Variants in CCDC183 observed in about 807,000 individuals in gnomAD.
CCDC183 encodes coiled-coil domain containing 183.
CCDC183 carries 63 observed loss-of-function variants against 65.2 expected under a neutral mutation model. The ratio of observed to expected loss-of-function variants is 0.97; its 90% confidence interval spans 0.79 to 1.19. The LOEUF is 1.19. Ranked by LOEUF, CCDC183 falls within the 50% of genes most tolerant of loss-of-function variation. The pLI is 0.00. For missense variants in CCDC183, 769 were observed against 689.3 expected, an observed-to-expected ratio of 1.12 and a Z score of -1.30; for synonymous variants, 323 against 276.5, an observed-to-expected ratio of 1.17 and a Z score of -1.67.
intron 13 of CCDC183, 150 bp from the exon 14 acceptor site, chr9:136,807,422 T>C: frequency 1.0e-6 from 1 of 1,003,356 alleles, no homozygotes; most frequent in South Asian, 1.7e-5. Context: ...CCGCTGCGAA[T>C]GGGCTGGGCT....
chr9:136,796,422 G>A lies in CCDC183; in HGVS notation c.25G>A (p.Val9Met), dbSNP rs1847650256. The A allele has an allele frequency of 6.3e-7, 1 of 1,585,056 alleles. No individual in the cohort carries two copies. Among genetic ancestry groups the A allele is most frequent in the Non-Finnish European group, 8.6e-7 (1 of 1,165,824 alleles). Residue 9 changes from valine to methionine, a missense_variant, in exon 1 of 14, where the codon GTG becomes ATG. Physicochemically the swap from Val to Met is conservative, Grantham distance 21 (BLOSUM62 1). Coordinates refer to ENST00000338005, the MANE Select transcript of CCDC183 (RefSeq NM_001039374.5). MRRHSETD[V>M]EEQTQELKTI... Reference sequence around the variant, plus strand: ...CATGAGGAGGCACAGTGAGACAGATGTGGAAGAGCAGACCCAGGAGCTGAA... The same window carrying A: ...CATGAGGAGGCACAGTGAGACAGATATGGAAGAGCAGACCCAGGAGCTGAA...
intron 10 of CCDC183, 100 bp from the exon 11 acceptor site, chr9:136,806,404 A>C: frequency 6.6e-7 from 1 of 1,512,914 alleles, no homozygotes; most frequent in Non-Finnish European, 9.0e-7. Flanking sequence ...TGAGTCCCTG[A>C]TTCTGGCACA....
In CCDC183 at chr9:136,807,172, G is replaced by A; in HGVS notation, c.1486+106G>A. The A allele has an allele frequency of 4.1e-6, 4 of 970,328 alleles. No individual in the cohort carries two copies. In the South Asian group the frequency reaches 5.5e-5, roughly 13 times the overall value. The allele number at this position is 970,328 out of a possible 1,614,324, so 60.1% of individuals were successfully genotyped here. On this transcript the variant is annotated intron_variant, in intron 13 of 13. Transcript: ENST00000338005. ...CGGGACATCCTGGAGGGACAGCGGG[G>A]CTACAGGGTGCATCAGTTGTACCTG...
At position 136,806,245 on chromosome 9, in the gene CCDC183, C is replaced by T. The variant is rs765035187; in HGVS notation, c.1109+7C>T. ...AGAAGCCTAGCTCCATCAGGTGCCC[C>T]GGGCTTCCGGGGCTGCGGGCCACCC... On this transcript the variant is annotated splice_region_variant and intron_variant, in intron 10 of 13. Transcript: ENST00000338005. The T allele has an allele frequency of 1.3e-5, 21 of 1,585,962 alleles. No homozygotes were observed. The highest frequency in any genetic ancestry group is 1.1e-4 in the South Asian group (10 of 87,134).
intron 1 of CCDC183, among the ~76,000 whole-genome samples, chr9:136,797,484 A>G (rs1435908697): frequency 1.3e-5 from 2 of 149,732 alleles, no homozygotes; most frequent in African/African-American, 2.5e-5. Context: ...TGTTGCCCAG[A>G]CGGCAGTGCA....
In CCDC183 at chr9:136,799,747, A is replaced by G; in HGVS notation, c.227A>G (p.Lys76Arg). ...TGGACCATCTCCAAGGCCTGCGGGA[A>G]AAACTTGCCTTTGCGACTGGCGCAC... ...DQWTISKACGKNLPLRLAHCR... is the reference protein window; with the variant it reads ...DQWTISKACGRNLPLRLAHCR... The change falls in exon 3 of 14, where the codon AAA becomes AGA. Residue 76 changes from lysine to arginine, a missense_variant. Lys to Arg is a conservative substitution (Grantham distance 26). Coordinates refer to ENST00000338005, the MANE Select transcript of CCDC183 (RefSeq NM_001039374.5). The G allele has an allele frequency of 6.2e-7, 1 of 1,613,306 alleles. No homozygotes were observed. Among genetic ancestry groups the G allele is most frequent in the Non-Finnish European group, 8.5e-7 (1 of 1,179,962 alleles).
At chr9:136,805,979 C>T (rs1223441438) in intron 9 of CCDC183, 99 bp from the exon 10 acceptor site, 5 of 945,536 alleles carry the variant, frequency 5.3e-6, no homozygotes, top group Non-Finnish European at 7.7e-6. Flanking sequence ...AGAAAGTGCA[C>T]TAGCGTCTAG....
intron 5 of CCDC183, chr9:136,800,745 T>C: frequency 2.0e-6 from 1 of 488,272 alleles, no homozygotes; most frequent in East Asian, 3.9e-5. Flanking sequence ...TTGGTATTGT[T>C]TGTATCTTGC....
At position 136,802,842 on chromosome 9, in the gene CCDC183, G is replaced by A. The variant is rs1264340642; in HGVS notation, c.666+56G>A. ...CCAGGGCCAGCCCTCTTGGATCTTC[G>A]GATGGGGTCAAGGTGAGCTCAGGGC... On this transcript the variant is annotated intron_variant, in intron 6 of 13. Transcript: ENST00000338005. The A allele has an allele frequency of 1.6e-4, 87 of 547,404 alleles. 1 individual carries two copies. The highest frequency in any genetic ancestry group is 1.0e-3 in the South Asian group (47 of 45,478). The allele number at this position is 547,404 out of a possible 1,614,324, so 33.9% of individuals were successfully genotyped here.
intron 1 of CCDC183, among the ~76,000 whole-genome samples, chr9:136,797,377 G>A (rs953835261): frequency 1.3e-5 from 2 of 151,604 alleles, no homozygotes; most frequent in African/African-American, 4.8e-5. Context: ...GCTGGTGCAG[G>A]TCCTCGCATG....
intron 9 of CCDC183, among the ~76,000 whole-genome samples, chr9:136,805,774 T>C (rs538953467): frequency 1.3e-5 from 2 of 152,192 alleles, no homozygotes; most frequent in African/African-American, 4.8e-5. Context: ...TCCTTATCTC[T>C]ACATGGGGTT....
Position 136,807,582 on chromosome 9 carries a change from G to A in CCDC183, c.1497G>A (p.Gln499=). The A allele has an allele frequency of 6.2e-7, 1 of 1,604,280 alleles. No individual in the cohort carries two copies. Among genetic ancestry groups the A allele is most frequent in the Non-Finnish European group, 8.5e-7 (1 of 1,176,122 alleles). ...CGCCTCCGCCCGCAGACACCTTCCA[G>A]TTCCCCGACATGGACCACAGCTACG... ...NREEDMIDTF[Q]FPDMDHSYVP... Residue 499 remains glutamine (Q), a synonymous_variant, in exon 14 of 14, where the codon CAG becomes CAA. Coordinates refer to ENST00000338005, the MANE Select transcript of CCDC183 (RefSeq NM_001039374.5).
At chr9:136,805,265 C>A in intron 8 of CCDC183, 92 bp from the exon 9 acceptor site, 1 of 1,050,966 alleles carries the variant, frequency 9.5e-7, no homozygotes, top group Non-Finnish European at 1.4e-6. Flanking sequence ...GCCGCCCCAG[C>A]AGCTGGGCAG....
At chr9:136,803,152 CCCCCCA>C (rs1847769790) in intron 6 of CCDC183, among the ~76,000 whole-genome samples, 1 of 70,426 alleles carries the variant, frequency 1.4e-5, no homozygotes, top group Non-Finnish European at 2.7e-5. Flanking sequence ...AGGGCTGGGG[CCCCCCA>C]GGGCCAGCCC....
chr9:136,802,140 G>A (rs1323147118), intron 5 of CCDC183, among the ~76,000 whole-genome samples: 3 of 152,164 alleles, frequency 2.0e-5, no homozygotes, highest in Admixed American at 1.3e-4. Context: ...TCCTGAGCAC[G>A]TATGTACCTG....
rs532593881 is a variant in CCDC183 at position 136,805,403 on chromosome 9, C to T, written c.894C>T (p.Gly298=). ...TSTAEMEYQS[G]VTAVVEKVKS... is the part of the protein sequence containing the mutation. ...CAGCAGAAATGGAATACCAGTCGGG[C>T]GTGACTGCTGTGGTGGAGAAGGTCA... The change falls in exon 9 of 14, where the codon GGC becomes GGT. Residue 298 remains glycine, a synonymous_variant. Transcript: ENST00000338005. 21 of 1,614,036 alleles carry T rather than the reference C, an allele frequency of 1.3e-5. No individual in the cohort carries two copies. The Admixed American group carries it at 2.5e-4, about 19-fold the overall frequency.
intron 1 of CCDC183, among the ~76,000 whole-genome samples, chr9:136,797,508 G>A (rs1046667928): frequency 2.6e-5 from 4 of 151,530 alleles, no homozygotes; most frequent in South Asian, 2.1e-4. Context: ...GCGCGATCTC[G>A]GCTCACTGCA....
chr9:136,802,734 C>T lies in CCDC183; in HGVS notation c.614C>T (p.Ser205Leu), dbSNP rs201568805. 500 of 1,613,424 alleles carry T rather than the reference C, an allele frequency of 3.1e-4. No homozygotes were observed. The highest frequency in any genetic ancestry group is 3.9e-4 in the Non-Finnish European group (461 of 1,179,824). ...NLVVNYCSEL[S>L]DMKIMSQDAM... is the part of the protein sequence containing the mutation. ...GTGGTCAACTACTGCTCAGAGCTGT[C>T]GGATATGAAGATCATGTCCCAAGAT... The change falls in exon 6 of 14, where the codon TCG (serine) becomes TTG (leucine). Residue 205 changes from serine to leucine, a missense_variant. By Grantham distance (145) the Ser-to-Leu change is moderately radical (BLOSUM62 -2). Transcript: ENST00000338005.
rs768776594 is a variant in CCDC183 at position 136,805,347 on chromosome 9, G to T, written c.848-10G>T. 5.0e-6 allele frequency: 8 copies of T among 1,609,606 alleles called. No homozygotes were observed. The highest frequency in any genetic ancestry group is 6.8e-6 in the Non-Finnish European group (8 of 1,177,882). ...TGCATGCTGACTGCCCCTCCCCTCTGCTCTGCCAGTGAGGAGAAAAGAGAC... is the reference window on the plus strand; with the variant it reads ...TGCATGCTGACTGCCCCTCCCCTCTTCTCTGCCAGTGAGGAGAAAAGAGAC... On this transcript the variant is annotated splice_polypyrimidine_tract_variant and intron_variant, in intron 8 of 13. Transcript: ENST00000338005.
Sources: allele counts gnomAD v4.1 joint callset (sites outside exome capture counted in the v4.1 genomes callset), GRCh38; gene constraint gnomAD v4.1.1; transcripts MANE v1.5; gene names NCBI Gene and HGNC (gene_info 2026-07-23, HGNC 2026-07-21).